The following DNM3 variants were observed in gnomAD, a reference collection of about 807,000 sequenced individuals.
DNM3 encodes the protein dynamin-3.
Under a neutral mutation model 101.6 loss-of-function variants are expected in DNM3, and 47 were observed. The ratio of observed to expected loss-of-function variants is 0.46; its 90% confidence interval spans 0.37 to 0.59. The LOEUF is 0.59. Among genes scored for constraint, DNM3 ranks in the 20% least tolerant of loss-of-function variants. DNM3 has a pLI of 0.00. For synonymous variants in DNM3, 385 were observed against 387.9 expected, an observed-to-expected ratio of 0.99 and a Z score of 0.09; for missense variants, 849 against 1,085.7, an observed-to-expected ratio of 0.78 and a Z score of 3.06.
At chr1:171,941,109 T>C (rs904314820) in intron 2 of DNM3, among the ~76,000 whole-genome samples, 1 of 152,206 alleles carries the variant, frequency 6.6e-6, no homozygotes, top group Non-Finnish European at 1.5e-5. Flanking sequence ...CAAATGTTTA[T>C]TGATTACCTT....
intron 1 of DNM3, among the ~76,000 whole-genome samples, chr1:171,883,484 T>C (rs2036502679): frequency 6.6e-6 from 1 of 151,950 alleles, no homozygotes; most frequent in African/African-American, 2.4e-5. Context: ...CTTTCTTTTT[T>C]TTTTTGAGAT....
intron 2 of DNM3, among the ~76,000 whole-genome samples, chr1:171,978,242 G>T (rs940175397): frequency 3.9e-5 from 6 of 152,090 alleles, no homozygotes; most frequent in African/African-American, 1.4e-4. Context: ...CATGTGCACC[G>T]AAGAAAAAAA....
At chr1:172,313,491 A>T (rs2065166827) in intron 16 of DNM3, among the ~76,000 whole-genome samples, 1 of 152,220 alleles carries the variant, frequency 6.6e-6, no homozygotes, top group African/African-American at 2.4e-5. Flanking sequence ...AATTACATAA[A>T]ACATGAAAGA....
At chr1:172,124,135 A>G (rs1395985726) in intron 13 of DNM3, among the ~76,000 whole-genome samples, 1 of 152,256 alleles carries the variant, frequency 6.6e-6, no homozygotes, top group African/African-American at 2.4e-5. Flanking sequence ...ATGAAATAAT[A>G]TACATTAATA....
intron 15 of DNM3, among the ~76,000 whole-genome samples, chr1:172,265,559 A>G (rs2062827470): frequency 6.6e-6 from 1 of 152,198 alleles, no homozygotes; most frequent in Non-Finnish European, 1.5e-5. Context: ...TGCTTCACCT[A>G]ATTATAAACT....
At chr1:172,111,129 A>T (rs1418722899) in intron 13 of DNM3, among the ~76,000 whole-genome samples, 2 of 152,252 alleles carry the variant, frequency 1.3e-5, no homozygotes, top group African/African-American at 4.8e-5. Flanking sequence ...TTTAAGCTTG[A>T]TTAACAATTA....
intron 4 of DNM3, among the ~76,000 whole-genome samples, chr1:172,014,708 G>A (rs1386347144): frequency 1.3e-5 from 2 of 151,872 alleles, no homozygotes; most frequent in East Asian, 1.9e-4. Flanking sequence ...AAGATGTGGG[G>A]TTTCTTTTGC....
In DNM3 at chr1:172,097,187, G is replaced by A. The variant is rs568576988; in HGVS notation, c.1545+4312G>A. Among the ~76,000 whole-genome samples the A allele has an allele frequency of 2.0e-4, 30 of 152,090 alleles. No individual in the cohort carries two copies. In the South Asian group the frequency reaches 6.0e-3, roughly 31 times the overall value. On this transcript the variant is annotated intron_variant, in intron 13 of 20. Coordinates refer to ENST00000627582, the MANE Select transcript of DNM3 (RefSeq NM_015569.5). ...GAGGCCGAGGTGGGTGGATCACAAGGTCAAGAGATTGAGACCATTCTGGCC... is the reference window on the plus strand; with the variant it reads ...GAGGCCGAGGTGGGTGGATCACAAGATCAAGAGATTGAGACCATTCTGGCC...
intron 4 of DNM3, among the ~76,000 whole-genome samples, chr1:172,013,149 C>T (rs940763144): frequency 4.6e-5 from 7 of 151,800 alleles, no homozygotes; most frequent in South Asian, 2.1e-4. Flanking sequence ...TTCCAGTGTA[C>T]GCAGTGTTCC....
At chr1:172,244,432 A>G (rs1375402842) in intron 14 of DNM3, among the ~76,000 whole-genome samples, 1 of 151,990 alleles carries the variant, frequency 6.6e-6, no homozygotes, top group Non-Finnish European at 1.5e-5. Flanking sequence ...ACAAAATGGG[A>G]GAAAATTTTC....
intron 2 of DNM3, among the ~76,000 whole-genome samples, chr1:171,938,302 G>C (rs2041586792): frequency 6.6e-6 from 1 of 151,802 alleles, no homozygotes; most frequent in Non-Finnish European, 1.5e-5. Context: ...CCACCTTCCA[G>C]GCATAAACAG....
At chr1:172,164,611 G>C (rs2058682392) in intron 14 of DNM3, among the ~76,000 whole-genome samples, 1 of 151,852 alleles carries the variant, frequency 6.6e-6, no homozygotes. Flanking sequence ...CCAAGTTTTT[G>C]CGTCTTATCA....
intron 2 of DNM3, among the ~76,000 whole-genome samples, chr1:171,962,151 A>G (rs1020444341): frequency 3.9e-5 from 6 of 152,212 alleles, no homozygotes; most frequent in African/African-American, 1.4e-4. Context: ...CCATGAATCC[A>G]TTAATCCAAG....
intron 14 of DNM3, among the ~76,000 whole-genome samples, chr1:172,174,234 G>A (rs1279478808): frequency 6.6e-6 from 1 of 151,530 alleles, no homozygotes; most frequent in Non-Finnish European, 1.5e-5. Context: ...AAATTTGATG[G>A]TTGAGTATAG....
Position 172,047,724 on chromosome 1 carries a change from T to C in DNM3, c.1197-888T>C, listed in dbSNP as rs577530229. On this transcript the variant is annotated intron_variant, in intron 9 of 20. Coordinates refer to ENST00000627582, the MANE Select transcript of DNM3 (RefSeq NM_015569.5). ...GATAAGAAGGGGCGTCAAGTCAAGA[T>C]AGTATAAGGGAAGTGTTGAAAAGAT... Among the ~76,000 whole-genome samples the C allele has an allele frequency of 5.9e-5, 9 of 152,094 alleles. No individual in the cohort carries two copies. In the South Asian group the frequency reaches 1.5e-3, roughly 25 times the overall value.
At chr1:172,173,490 C>CTTT (rs111367945) in intron 14 of DNM3, among the ~76,000 whole-genome samples, 3 of 141,954 alleles carry the variant, frequency 2.1e-5, no homozygotes, top group Non-Finnish European at 4.7e-5. Context: ...CAAAAGAGAG[C>CTTT]TTTTTTTTTT....
At chr1:172,398,764 A>G (rs2070226921) in intron 20 of DNM3, among the ~76,000 whole-genome samples, 1 of 152,192 alleles carries the variant, frequency 6.6e-6, no homozygotes, top group African/African-American at 2.4e-5. Context: ...CCTAAAAGAC[A>G]TATGGTTTTC....
At chr1:172,029,221 T>G (rs2048426023) in intron 4 of DNM3, among the ~76,000 whole-genome samples, 1 of 152,098 alleles carries the variant, frequency 6.6e-6, no homozygotes, top group Non-Finnish European at 1.5e-5. Flanking sequence ...ACAATTAAGT[T>G]GGCTTCATCC....
At chr1:171,851,130 G>C (rs970085973) in intron 1 of DNM3, among the ~76,000 whole-genome samples, 1 of 151,962 alleles carries the variant, frequency 6.6e-6, no homozygotes, top group Admixed American at 6.5e-5. Flanking sequence ...AGCTCTATCT[G>C]TCTGATTTAG....
Sources: gnomAD v4.1 joint callset for allele counts (sites outside exome capture counted in the v4.1 genomes callset) on GRCh38, gnomAD v4.1.1 for gene constraint, MANE v1.5 for transcripts, NCBI Gene and HGNC (gene_info 2026-07-23, HGNC 2026-07-21) for gene names.